The following THEMIS variants were observed in gnomAD, a reference collection of about 807,000 sequenced individuals.
The protein encoded by THEMIS is protein THEMIS.
Under a neutral mutation model 52.6 loss-of-function variants are expected in THEMIS, and 37 were observed. That is an observed-to-expected ratio of 0.70 (90% CI 0.54 to 0.93). The LOEUF is 0.93. Ranked by LOEUF, THEMIS falls within the 40% of genes least tolerant of loss-of-function variation. The pLI, the probability that THEMIS is intolerant of heterozygous loss-of-function variation, is 0.00. For synonymous variants in THEMIS, 292 were observed against 272.7 expected, an observed-to-expected ratio of 1.07 and a Z score of -0.70; for missense variants, 808 against 763.1, an observed-to-expected ratio of 1.06 and a Z score of -0.69.
At chr6:127,782,671 T>C (rs1776786654) in intron 4 of THEMIS, among the ~76,000 whole-genome samples, 1 of 152,086 alleles carries the variant, frequency 6.6e-6, no homozygotes, top group Admixed American at 6.5e-5. Context: ...GGTTCCTCAG[T>C]TGGAAATACA....
chr6:127,915,300 T>C (rs758577461), intron 1 of THEMIS, among the ~76,000 whole-genome samples: 16 of 152,196 alleles, frequency 1.1e-4, no homozygotes, highest in South Asian at 6.2e-4. Context: ...AACATACATA[T>C]AATCATGCGC....
At chr6:127,704,903 A>G (rs1238426224), downstream of THEMIS, among the ~76,000 whole-genome samples, 5 of 152,244 alleles carry the variant, frequency 3.3e-5, no homozygotes, top group African/African-American at 1.2e-4. Flanking sequence ...GGGTCAACTT[A>G]GTATATTAGC....
At chr6:127,747,797 T>C (rs1187881866) in intron 4 of THEMIS, among the ~76,000 whole-genome samples, 1 of 152,100 alleles carries the variant, frequency 6.6e-6, no homozygotes, top group Non-Finnish European at 1.5e-5. Context: ...TTAACTGACA[T>C]AATAAATCTG....
At chr6:127,755,846 GAGAAACC>G (rs1775804633) in intron 4 of THEMIS, among the ~76,000 whole-genome samples, 1 of 151,938 alleles carries the variant, frequency 6.6e-6, no homozygotes, top group South Asian at 2.1e-4. Flanking sequence ...GGCCAAAATG[GAGAAACC>G]CTGTCTCTAC....
At chr6:127,718,077 A>G (rs773957191) in intron 5 of THEMIS, among the ~76,000 whole-genome samples, 6 of 151,920 alleles carry the variant, frequency 3.9e-5, no homozygotes, top group Non-Finnish European at 5.9e-5. Context: ...ATACTATATT[A>G]TATAAGATGA....
At chr6:127,822,773 A>G (rs993988235) in intron 3 of THEMIS, among the ~76,000 whole-genome samples, 1 of 152,064 alleles carries the variant, frequency 6.6e-6, no homozygotes, top group African/African-American at 2.4e-5. Flanking sequence ...TCAGTAAAGG[A>G]TGTTACCTTC....
At chr6:127,773,159 T>G (rs186681124) in intron 4 of THEMIS, among the ~76,000 whole-genome samples, 5 of 152,328 alleles carry the variant, frequency 3.3e-5, no homozygotes, top group Non-Finnish European at 5.9e-5. Flanking sequence ...TGCCCTGGAA[T>G]GTACTTCCTT....
chr6:127,772,643 T>C (rs1269284396), intron 4 of THEMIS, among the ~76,000 whole-genome samples: 4 of 152,148 alleles, frequency 2.6e-5, no homozygotes, highest in African/African-American at 7.2e-5. Flanking sequence ...ACATATCTTC[T>C]TGTTTCTGTC....
At chr6:127,799,549 T>TTCTA (rs764380971) in intron 4 of THEMIS, among the ~76,000 whole-genome samples, 3 of 86,572 alleles carry the variant, frequency 3.5e-5, no homozygotes, top group East Asian at 2.1e-4. Flanking sequence ...CTTTCTTTCT[T>TTCTA]TCTATCTTTC....
intron 4 of THEMIS, among the ~76,000 whole-genome samples, chr6:127,751,406 A>G (rs1307775618): frequency 6.6e-6 from 1 of 151,744 alleles, no homozygotes; most frequent in Non-Finnish European, 1.5e-5. Context: ...TATAAAAATA[A>G]TCAATCACAA....
chr6:127,781,466 A>G (rs1439689831), intron 4 of THEMIS, among the ~76,000 whole-genome samples: 1 of 151,948 alleles, frequency 6.6e-6, no homozygotes. Context: ...TTGGAGAAGA[A>G]GTGTTCTGGT....
intron 3 of THEMIS, among the ~76,000 whole-genome samples, chr6:127,816,978 C>T (rs1036562708): frequency 1.3e-5 from 2 of 152,144 alleles, no homozygotes; most frequent in Non-Finnish European, 2.9e-5. Context: ...AATATCATCT[C>T]GGCAGTGAGA....
chr6:127,733,368 A>C (rs1774876688), intron 4 of THEMIS, among the ~76,000 whole-genome samples: 1 of 152,184 alleles, frequency 6.6e-6, no homozygotes, highest in African/African-American at 2.4e-5. Flanking sequence ...AATTCTAAAA[A>C]TTGCTTGTCC....
chr6:127,856,146 T>A (rs187916391), intron 1 of THEMIS, among the ~76,000 whole-genome samples: 17 of 152,156 alleles, frequency 1.1e-4, no homozygotes, highest in African/African-American at 4.1e-4. Context: ...GTGAAGTATA[T>A]GAGCACAGCG....
chr6:127,791,670 T>C (rs562394144), intron 4 of THEMIS, among the ~76,000 whole-genome samples: 5 of 152,218 alleles, frequency 3.3e-5, no homozygotes, highest in African/African-American at 1.2e-4. Context: ...CTCTCCATGG[T>C]GCCTATGGTG....
At chr6:127,720,751 G>C (rs759637256) in intron 4 of THEMIS, among the ~76,000 whole-genome samples, 1 of 151,942 alleles carries the variant, frequency 6.6e-6, no homozygotes, top group African/African-American at 2.4e-5. Context: ...TTTAAAGCTT[G>C]AGAAAGGCCA....
intron 4 of THEMIS, among the ~76,000 whole-genome samples, chr6:127,810,522 CACA>C (rs1777868362): frequency 6.6e-6 from 1 of 152,106 alleles, no homozygotes; most frequent in Non-Finnish European, 1.5e-5. Flanking sequence ...TTTGTGACAA[CACA>C]ACATTCCTTC....
At chr6:127,873,837 A>G (rs1304726362) in intron 1 of THEMIS, among the ~76,000 whole-genome samples, 1 of 152,242 alleles carries the variant, frequency 6.6e-6, no homozygotes, top group African/African-American at 2.4e-5. Flanking sequence ...AAATGTCACT[A>G]AGAAAATCAT....
chr6:127,810,804 AGATTATCT>A (rs1172835183), intron 4 of THEMIS, among the ~76,000 whole-genome samples: 3 of 152,002 alleles, frequency 2.0e-5, no homozygotes, highest in Non-Finnish European at 4.4e-5. Context: ...TGAGCCAAAG[AGATTATCT>A]TCTTCTCTAG....
Sources: allele counts gnomAD v4.1 joint callset (sites outside exome capture counted in the v4.1 genomes callset), GRCh38; gene constraint gnomAD v4.1.1; transcripts MANE v1.5; gene names NCBI Gene and HGNC (gene_info 2026-07-23, HGNC 2026-07-21).